PLD5: variants seen among roughly 807,000 people sequenced by gnomAD.
The protein encoded by PLD5 is inactive phospholipase D5.
PLD5 carries 36 observed loss-of-function variants against 61.1 expected under a neutral mutation model. The observed-to-expected ratio is 0.59, with a 90% CI of 0.45 to 0.78. The LOEUF (loss-of-function observed/expected upper bound fraction) is 0.78, where lower values mean the gene tolerates loss of function less well. Ranked by LOEUF, PLD5 falls within the 30% of genes least tolerant of loss-of-function variation. PLD5 has a pLI of 0.00. For missense variants in PLD5, 515 were observed against 644.4 expected (o/e 0.80, Z 2.17); for synonymous variants, 243 against 242.8 (o/e 1.00, Z -0.01).
intron 1 of PLD5, among the ~76,000 whole-genome samples, chr1:242,403,803 C>A (rs568490244): frequency 6.6e-6 from 1 of 152,200 alleles, no homozygotes; most frequent in South Asian, 2.1e-4. Flanking sequence ...CACAGTGGGA[C>A]CCTCAGTAAC....
chr1:242,456,389 G>T (rs11811605), intron 1 of PLD5, among the ~76,000 whole-genome samples: 52,848 of 152,012 alleles, frequency 0.35, 9,603 homozygotes, highest in Admixed American at 0.44. Flanking sequence ...AGTCCCATGT[G>T]GCTGGTGGCG....
rs1221667158 is a variant in PLD5, at chr1:242,107,666, C to T, written c.1239+5G>A. On this transcript the variant is annotated splice_donor_5th_base_variant and intron_variant, in intron 8 of 9. Transcript: ENST00000536534. ...ATTTAATAACACAGTCAACGTAATA[C>T]TTACAACTTTCAAACTGCAGTTGGC... 6.3e-7 allele frequency: 1 copy of T among 1,579,820 alleles called. No homozygotes were observed. Among genetic ancestry groups the T allele is most frequent in the Non-Finnish European group, 8.6e-7 (1 of 1,167,466 alleles).
At chr1:242,305,272 C>A (rs551375851) in intron 2 of PLD5, among the ~76,000 whole-genome samples, 10 of 152,326 alleles carry the variant, frequency 6.6e-5, no homozygotes, top group Non-Finnish European at 1.0e-4. Flanking sequence ...GCTGTGTGTT[C>A]CAGCGTCCTG....
intron 6 of PLD5, among the ~76,000 whole-genome samples, chr1:242,122,141 T>C (rs373751952): frequency 1.6e-3 from 238 of 152,308 alleles, no homozygotes; most frequent in African/African-American, 5.6e-3. Context: ...CAAAGAAATG[T>C]CTCACAGCTC....
chr1:242,386,108 T>A (rs1662586940), intron 1 of PLD5, among the ~76,000 whole-genome samples: 1 of 152,166 alleles, frequency 6.6e-6, no homozygotes. Flanking sequence ...TGTCTGTCTC[T>A]GTGTCCAAGT....
chr1:242,243,948 G>A (rs1240863016), intron 4 of PLD5, among the ~76,000 whole-genome samples: 1 of 152,158 alleles, frequency 6.6e-6, no homozygotes, highest in Non-Finnish European at 1.5e-5. Flanking sequence ...TTGAATAGCA[G>A]CTGGTATTCC....
At chr1:242,528,546 T>A (rs1669491347), upstream of PLD5, among the ~76,000 whole-genome samples, 1 of 150,324 alleles carries the variant, frequency 6.7e-6, no homozygotes, top group African/African-American at 2.5e-5. Context: ...AGACCAAAAG[T>A]ATCAAGAAGT....
At chr1:242,371,037 C>T (rs1282361039) in intron 1 of PLD5, among the ~76,000 whole-genome samples, 1 of 152,128 alleles carries the variant, frequency 6.6e-6, no homozygotes, top group Non-Finnish European at 1.5e-5. Flanking sequence ...GGTATTTCAT[C>T]CAGTTAAGGG....
intron 1 of PLD5, among the ~76,000 whole-genome samples, chr1:242,482,154 T>C (rs1667800237): frequency 6.6e-6 from 1 of 152,150 alleles, no homozygotes; most frequent in African/African-American, 2.4e-5. Context: ...AGAGCGCCTC[T>C]CCTCCTCCAA....
chr1:242,168,845 A>AGTTTTTTTTTT (rs1666517996), intron 5 of PLD5, among the ~76,000 whole-genome samples: 1 of 29,252 alleles, frequency 3.4e-5, no homozygotes, highest in African/African-American at 1.8e-4. Flanking sequence ...TAATTAATGA[A>AGTTTTTTTTTT]GTTTTTTTTT....
intron 4 of PLD5, among the ~76,000 whole-genome samples, chr1:242,264,385 C>T (rs867511548): frequency 4.6e-4 from 70 of 152,262 alleles, no homozygotes; most frequent in African/African-American, 1.4e-3. Context: ...GCCAAGCTTA[C>T]GTCTTCTATG....
At chr1:242,160,820 G>A (rs1215283168) in intron 5 of PLD5, among the ~76,000 whole-genome samples, 1 of 152,052 alleles carries the variant, frequency 6.6e-6, no homozygotes, top group Non-Finnish European at 1.5e-5. Flanking sequence ...GGGAGATGGA[G>A]GTTGCAGTGA....
chr1:242,132,491 A>C (rs1480402440), intron 5 of PLD5, among the ~76,000 whole-genome samples: 1 of 152,206 alleles, frequency 6.6e-6, no homozygotes, highest in Non-Finnish European at 1.5e-5. Flanking sequence ...ACAAAGACAA[A>C]AGAACCTGCA....
chr1:242,309,428 C>T (rs1280370016), intron 2 of PLD5, among the ~76,000 whole-genome samples: 1 of 150,900 alleles, frequency 6.6e-6, no homozygotes, highest in African/African-American at 2.4e-5. Flanking sequence ...CACTCTGTTG[C>T]CCAAGCTGGA....
intron 1 of PLD5, among the ~76,000 whole-genome samples, chr1:242,409,883 G>A (rs111835903): frequency 0.011 from 1,699 of 152,284 alleles, 36 homozygotes; most frequent in African/African-American, 0.039. Flanking sequence ...CACGGGAATC[G>A]CCATGTTTGG....
chr1:242,434,041 G>A (rs1284609515), intron 1 of PLD5, among the ~76,000 whole-genome samples: 1 of 152,250 alleles, frequency 6.6e-6, no homozygotes, highest in African/African-American at 2.4e-5. Context: ...CTGCTAGTAA[G>A]TCAAGAGTGG....
intron 4 of PLD5, among the ~76,000 whole-genome samples, chr1:242,254,037 C>T (rs1326057546): frequency 1.3e-5 from 2 of 152,200 alleles, no homozygotes; most frequent in Non-Finnish European, 2.9e-5. Context: ...CACAACCATA[C>T]AGGCAAACAA....
intron 1 of PLD5, among the ~76,000 whole-genome samples, chr1:242,413,770 C>T (rs12753408): frequency 0.31 from 46,824 of 151,952 alleles, 7,756 homozygotes; most frequent in African/African-American, 0.43. Context: ...ACTAGCTGAG[C>T]GCACCAGCAG....
At chr1:242,517,037 G>T (rs1004381474) in intron 1 of PLD5, among the ~76,000 whole-genome samples, 2 of 152,094 alleles carry the variant, frequency 1.3e-5, no homozygotes, top group Non-Finnish European at 2.9e-5. Context: ...TTGCCTATTG[G>T]CTTTGAATCC....
Sources: allele counts gnomAD v4.1 joint callset (sites outside exome capture counted in the v4.1 genomes callset), GRCh38; gene constraint gnomAD v4.1.1; transcripts MANE v1.5; gene names NCBI Gene and HGNC (gene_info 2026-07-23, HGNC 2026-07-21).